The following RALGAPA2 variants were observed in gnomAD, a reference collection of about 807,000 sequenced individuals.
RALGAPA2 encodes the protein ral GTPase-activating protein subunit alpha-2.
Under a neutral mutation model 230.4 loss-of-function variants are expected in RALGAPA2, and 139 were observed. That is an observed-to-expected ratio of 0.60 (90% CI 0.53 to 0.69). RALGAPA2 has a LOEUF of 0.69. Ranked by LOEUF, RALGAPA2 falls within the 30% of genes least tolerant of loss-of-function variation. RALGAPA2 has a pLI of 0.00. For missense variants in RALGAPA2, 2,163 were observed against 2,276.0 expected, an observed-to-expected ratio of 0.95 and a Z score of 1.01; for synonymous variants, 847 against 837.8, an observed-to-expected ratio of 1.01 and a Z score of -0.19.
At chr20:20,432,367 G>T (rs572674376) in intron 37 of RALGAPA2, among the ~76,000 whole-genome samples, 1 of 152,206 alleles carries the variant, frequency 6.6e-6, no homozygotes, top group Non-Finnish European at 1.5e-5. Context: ...TAAGGGCAGG[G>T]TGGAGAGTGA....
In RALGAPA2 at chr20:20,392,913, G is replaced by A. The variant is rs1222571421; in HGVS notation, c.*376C>T. On this transcript the variant is annotated 3_prime_UTR_variant, in exon 40 of 40. Coordinates refer to ENST00000202677, the MANE Select transcript of RALGAPA2 (RefSeq NM_020343.4). ...TGAAAGCGCAGAATCTTTTCCTGCT[G>A]TCATCTGCCCAGAGCAGCCACACCA... is the stretch of plus-strand genomic sequence containing the variant. 5.0e-6 allele frequency: 2 copies of A among 399,238 alleles called. No individual in the cohort carries two copies. Among genetic ancestry groups the A allele is most frequent in the Non-Finnish European group, 8.4e-6 (2 of 239,148 alleles). The allele number at this position is 399,238 out of a possible 1,614,324, so 24.7% of individuals were successfully genotyped here.
In RALGAPA2 at chr20:20,512,913, C is replaced by T. The variant is rs751875941; in HGVS notation, c.4456G>A (p.Ala1486Thr). The change falls in exon 32 of 40, where the codon GCA becomes ACA. Residue 1486 changes from alanine (A) to threonine (T), a missense_variant. Transcript: ENST00000202677. ...VLYGPLEGCL[A>T]PNGRNPSFLI... ...AATGAAGGATTTCTTCCATTGGGTG[C>T]TAAGCAGCCTTCCAAAGGTCCATAT... 3 of 1,613,760 alleles carry T rather than the reference C, an allele frequency of 1.9e-6. No homozygotes were observed.
intron 36 of RALGAPA2, among the ~76,000 whole-genome samples, chr20:20,479,714 G>A (rs2061730041): frequency 6.6e-6 from 1 of 152,208 alleles, no homozygotes; most frequent in Admixed American, 6.5e-5. Context: ...GACTGTGAAG[G>A]AGAAAAGAAA....
chr20:20,642,190 C>T (rs1356972630), intron 5 of RALGAPA2, among the ~76,000 whole-genome samples: 1 of 128,022 alleles, frequency 7.8e-6, no homozygotes, highest in East Asian at 2.5e-4. Context: ...AGAGAAGGCT[C>T]TATGTATATC....
Position 20,398,149 on chromosome 20 carries a change from G to A in RALGAPA2, c.5618-1415C>T, listed in dbSNP as rs2059757683. On this transcript the variant is annotated intron_variant, in intron 38 of 39. Transcript: ENST00000202677. This position sits in a 1 kb window ranked among gnomAD's most constrained non-coding sequence, Gnocchi z 4.5. ...CTGCGTGGGTCTTCCTTGAGTTGAG[G>A]AAGTTCGGCTTTTAGAGCACCATGC... 6.6e-6 allele frequency among the ~76,000 whole-genome samples: 1 copy of A among 152,196 alleles called. No homozygotes were observed. Among genetic ancestry groups the A allele is most frequent in the Admixed American group, 6.5e-5 (1 of 15,284 alleles).
intron 27 of RALGAPA2, among the ~76,000 whole-genome samples, chr20:20,529,654 AT>A: frequency 6.6e-6 from 1 of 152,314 alleles, no homozygotes; most frequent in South Asian, 2.1e-4. Context: ...TTCCTACAGT[AT>A]TTAGTACAGT....
intron 37 of RALGAPA2, among the ~76,000 whole-genome samples, chr20:20,459,656 T>C (rs1385575814): frequency 6.6e-6 from 1 of 152,060 alleles, no homozygotes; most frequent in Non-Finnish European, 1.5e-5. Flanking sequence ...CTTAGCACCC[T>C]GGAATGGGCC....
intron 2 of RALGAPA2, among the ~76,000 whole-genome samples, chr20:20,678,588 C>T (rs2068416129): frequency 6.6e-6 from 1 of 152,072 alleles, no homozygotes; most frequent in African/African-American, 2.4e-5. Context: ...TTTTCCTTGA[C>T]CTGTCTCAAC....
chr20:20,634,153 T>C (rs1394538408), intron 9 of RALGAPA2, among the ~76,000 whole-genome samples: 1 of 152,128 alleles, frequency 6.6e-6, no homozygotes, highest in Non-Finnish European at 1.5e-5. Context: ...TTTTTATTTT[T>C]TTTTTTCAGT....
chr20:20,629,435 C>G lies in RALGAPA2; in HGVS notation c.1161G>C (p.Val387=), dbSNP rs369010919. ...LCSIEEEHRM[V]YEMVQRILLS... ...AGAGAATCCGCTGTACCATTTCATA[C>G]ACCATTCGGTGCTCTTCTTCAATGC... Residue 387 remains valine (V), a synonymous_variant, in exon 10 of 40, where the codon GTG becomes GTC. Coordinates refer to ENST00000202677, the MANE Select transcript of RALGAPA2 (RefSeq NM_020343.4). The G allele has an allele frequency of 6.2e-7, 1 of 1,613,916 alleles. No individual in the cohort carries two copies. Among genetic ancestry groups the G allele is most frequent in the Non-Finnish European group, 8.5e-7 (1 of 1,179,882 alleles).
chr20:20,566,889 A>T (rs910508510), intron 23 of RALGAPA2, among the ~76,000 whole-genome samples: 7 of 152,234 alleles, frequency 4.6e-5, no homozygotes, highest in Admixed American at 4.6e-4. Context: ...TTCAGGGCAG[A>T]ACAACAAACA....
At position 20,390,019 on chromosome 20, in the gene RALGAPA2, T is replaced by C. The variant is rs1213026204; in HGVS notation, c.*3270A>G. On this transcript the variant is annotated 3_prime_UTR_variant, in exon 40 of 40. Coordinates refer to ENST00000202677, the MANE Select transcript of RALGAPA2 (RefSeq NM_020343.4). ...TGCAACTAAAACGATGGTTGTTTCA[T>C]GTTGAATTTCCCTCGGATGCAGACG... 1 of 152,216 alleles carries C rather than the reference T, an allele frequency of 6.6e-6. No individual in the cohort carries two copies. The highest frequency in any genetic ancestry group is 2.4e-5 in the African/African-American group (1 of 41,448). The allele number at this position is 152,216 out of a possible 1,614,324, so 9.4% of individuals were successfully genotyped here. A position where few individuals can be genotyped will look rare whatever the true frequency, so the allele number is the denominator to read the frequency against.
At chr20:20,610,126 T>G (rs2065935581) in intron 14 of RALGAPA2, among the ~76,000 whole-genome samples, 1 of 152,206 alleles carries the variant, frequency 6.6e-6, no homozygotes, top group South Asian at 2.1e-4. Flanking sequence ...TTAACATATA[T>G]CCTCCAAAAC....
At chr20:20,711,962 G>T (rs2069891018) in intron 1 of RALGAPA2, among the ~76,000 whole-genome samples, 1 of 151,932 alleles carries the variant, frequency 6.6e-6, no homozygotes, top group African/African-American at 2.4e-5. Context: ...GTTCACTTGG[G>T]GTCTCGGTCT....
Position 20,629,538 on chromosome 20 carries a change from C to T in RALGAPA2, c.1058G>A (p.Gly353Glu), listed in dbSNP as rs763530875. The T allele has an allele frequency of 1.2e-6, 2 of 1,613,824 alleles. No individual in the cohort carries two copies. Among genetic ancestry groups the T allele is most frequent in the South Asian group, 1.1e-5 (1 of 91,070 alleles). ...ATGGCTTTTGTCCTGCTCCGTGGGC[C>T]CACCACCATCCAGCTCAGGCGCTCT... ...QERAPELDGG[G>E]PTEQDKSHSN... is the part of the protein sequence containing the mutation. Residue 353 changes from glycine to glutamate, a missense_variant, in exon 10 of 40, where the codon GGG becomes GAG. Gly to Glu is a moderately conservative substitution (Grantham distance 98). Coordinates refer to ENST00000202677, the MANE Select transcript of RALGAPA2 (RefSeq NM_020343.4).
intron 4 of RALGAPA2, among the ~76,000 whole-genome samples, chr20:20,647,967 T>TA (rs1282070606): frequency 2.6e-5 from 4 of 152,198 alleles, no homozygotes; most frequent in African/African-American, 7.2e-5. Flanking sequence ...CATACACTGT[T>TA]ACATGGTTCA....
chr20:20,650,868 A>G (rs2067373805), intron 4 of RALGAPA2, among the ~76,000 whole-genome samples: 1 of 152,226 alleles, frequency 6.6e-6, no homozygotes, highest in Non-Finnish European at 1.5e-5. Flanking sequence ...GTATATATGT[A>G]TATAATTACA....
At chr20:20,488,356 C>T (rs1053079276) in intron 36 of RALGAPA2, among the ~76,000 whole-genome samples, 5 of 152,208 alleles carry the variant, frequency 3.3e-5, no homozygotes, top group African/African-American at 9.6e-5. Flanking sequence ...CCCCACTTGA[C>T]TCTATTTAAC....
Position 20,668,078 on chromosome 20 carries a change from C to A in RALGAPA2, c.270+8158G>T, listed in dbSNP as rs969351651. 3.9e-5 allele frequency among the ~76,000 whole-genome samples: 6 copies of A among 152,150 alleles called. No homozygotes were observed. In the East Asian group the frequency reaches 9.6e-4, roughly 24 times the overall value. ...GATGTACAAGATACTAAGGATTTAA[C>A]CATGTTTAACAATGAAAAGTGGTCT... is the stretch of plus-strand genomic sequence containing the variant. On this transcript the variant is annotated intron_variant, in intron 3 of 39. Coordinates refer to ENST00000202677, the MANE Select transcript of RALGAPA2 (RefSeq NM_020343.4).
Sources: allele counts gnomAD v4.1 joint callset (sites outside exome capture counted in the v4.1 genomes callset), GRCh38; gene constraint gnomAD v4.1.1; non-coding constraint Gnocchi (gnomAD v3.1); transcripts MANE v1.5; gene names NCBI Gene and HGNC (gene_info 2026-07-23, HGNC 2026-07-21).